RFXAP: variants seen among roughly 807,000 people sequenced by gnomAD.
RFXAP encodes the protein regulatory factor X associated protein, also known as regulatory factor X-associated protein.
RFXAP carries 21 observed loss-of-function variants against 25.7 expected under a neutral mutation model. That is an observed-to-expected ratio of 0.82 (90% CI 0.58 to 1.18). The LOEUF (loss-of-function observed/expected upper bound fraction) is 1.18, where lower values mean the gene tolerates loss of function less well. RFXAP is among the 50% of genes most tolerant of loss of function. RFXAP has a pLI of 0.00. For missense variants in RFXAP, 333 were observed against 363.0 expected (o/e 0.92, Z 0.67); for synonymous variants, 161 against 152.2 (o/e 1.06, Z -0.43).
At chr13:36,827,584 G>C in intron 2 of RFXAP, 59 bp from the exon 3 acceptor site, 1 of 1,221,496 alleles carries the variant, frequency 8.2e-7, no homozygotes, top group African/African-American at 1.5e-5. Flanking sequence ...TAATTAGCAT[G>C]AAAACAGTCT....
intron 1 of RFXAP, among the ~76,000 whole-genome samples, chr13:36,821,964 A>G (rs2057964158): frequency 1.3e-5 from 2 of 152,238 alleles, no homozygotes; most frequent in Non-Finnish European, 2.9e-5. Flanking sequence ...ACGGGGATTT[A>G]GGGAAATAAG....
chr13:36,821,214 TAA>T (rs10573140), intron 1 of RFXAP, among the ~76,000 whole-genome samples: 9,107 of 104,486 alleles, frequency 0.087, 710 homozygotes, highest in African/African-American at 0.21. Context: ...CCTGTCTCCT[TAA>T]AAAAAAAAAA....
At chr13:36,822,619 C>A (rs569131530) in intron 1 of RFXAP, among the ~76,000 whole-genome samples, 1 of 152,062 alleles carries the variant, frequency 6.6e-6, no homozygotes, top group Admixed American at 6.6e-5. Context: ...GCCTCGAATT[C>A]CTGGGCTCAA....
At position 36,819,440 on chromosome 13, in the gene RFXAP, C is replaced by A; in HGVS notation, c.83C>A (p.Ala28Glu). 1 of 1,461,772 alleles carries A rather than the reference C, an allele frequency of 6.8e-7. No individual in the cohort carries two copies. The highest frequency in any genetic ancestry group is 9.0e-7 in the Non-Finnish European group (1 of 1,107,138). The allele number at this position is 1,461,772 out of a possible 1,614,324, so 90.6% of individuals were successfully genotyped here. A position where few individuals can be genotyped will look rare whatever the true frequency, so the allele number is the denominator to read the frequency against. The change falls in exon 1 of 3, where the codon GCG becomes GAG. Residue 28 changes from alanine (A) to glutamate (E), a missense_variant. Transcript: ENST00000255476. Reference sequence around the variant, plus strand: ...CACCCCGCGGCCCTAGCCCCGGCTGCGGCTCCCACCTTGGCGCCAGCCTCG... The same window carrying A: ...CACCCCGCGGCCCTAGCCCCGGCTGAGGCTCCCACCTTGGCGCCAGCCTCG... Reference protein sequence around the residue: ...VPHPAALAPAAAPTLAPASVA... With the variant: ...VPHPAALAPAEAPTLAPASVA...
At chr13:36,825,711 GA>G (rs923494544) in intron 2 of RFXAP, among the ~76,000 whole-genome samples, 176 bp downstream of exon 2, 12 of 152,076 alleles carry the variant, frequency 7.9e-5, no homozygotes, top group African/African-American at 2.4e-4. Flanking sequence ...AATGTAATGA[GA>G]TTTTTTTTAG....
chr13:36,820,875 G>A (rs533580300), intron 1 of RFXAP, among the ~76,000 whole-genome samples: 7 of 152,252 alleles, frequency 4.6e-5, no homozygotes, highest in African/African-American at 1.4e-4. Context: ...GTGAATATGT[G>A]AGCCATTCCA....
At chr13:36,827,196 G>C (rs2057980930) in intron 2 of RFXAP, among the ~76,000 whole-genome samples, 1 of 151,782 alleles carries the variant, frequency 6.6e-6, no homozygotes, top group African/African-American at 2.4e-5. Context: ...AGACTTAGTT[G>C]CCTAATGAGA....
At chr13:36,820,819 C>T (rs73531874) in intron 1 of RFXAP, among the ~76,000 whole-genome samples, 14,603 of 152,130 alleles carry the variant, frequency 0.096, 920 homozygotes, top group East Asian at 0.3. Context: ...GGTTATTAAA[C>T]TCTGTAAAAT....
Position 36,819,455 on chromosome 13 carries a change from C to T in RFXAP, c.98C>T (p.Ala33Val). 1.3e-6 allele frequency: 2 copies of T among 1,506,086 alleles called. No homozygotes were observed. Among genetic ancestry groups the T allele is most frequent in the Non-Finnish European group, 8.9e-7 (1 of 1,126,990 alleles). The allele number at this position is 1,506,086 out of a possible 1,614,324, so 93.3% of individuals were successfully genotyped here. A position where few individuals can be genotyped will look rare whatever the true frequency, so the allele number is the denominator to read the frequency against. Reference protein sequence around the residue: ...ALAPAAAPTLAPASVAAAASQ... With the variant: ...ALAPAAAPTLVPASVAAAASQ... ...GCCCCGGCTGCGGCTCCCACCTTGG[C>T]GCCAGCCTCGGTGGCGGCCGCGGCC... Residue 33 changes from alanine to valine, a missense_variant, in exon 1 of 3, where the codon GCG becomes GTG. Coordinates refer to ENST00000255476, the MANE Select transcript of RFXAP (RefSeq NM_000538.4).
intron 2 of RFXAP, among the ~76,000 whole-genome samples, chr13:36,826,179 A>C (rs2057977352): frequency 6.6e-6 from 1 of 152,198 alleles, no homozygotes. Context: ...ATCATTAAAC[A>C]TGATCAGTTT....
chr13:36,829,098 C>T lies in RFXAP; in HGVS notation c.*1345C>T, dbSNP rs954234702. Reference sequence around the variant, plus strand: ...TAATTCATTAAAGTCCAGTTGTTGACCTTTGAGTTAGCTGATTTCTTTATT... The same window carrying T: ...TAATTCATTAAAGTCCAGTTGTTGATCTTTGAGTTAGCTGATTTCTTTATT... On this transcript the variant is annotated 3_prime_UTR_variant, in exon 3 of 3. Transcript: ENST00000255476. The T allele has an allele frequency of 1.3e-5, 2 of 152,522 alleles. No individual in the cohort carries two copies. The highest frequency in any genetic ancestry group is 2.9e-5 in the Non-Finnish European group (2 of 68,044). The allele number at this position is 152,522 out of a possible 1,614,324, so 9.4% of individuals were successfully genotyped here.
rs749368415 is a variant in RFXAP, at chr13:36,819,644, C to T, written c.287C>T (p.Ser96Leu). 5 of 1,547,568 alleles carry T rather than the reference C, an allele frequency of 3.2e-6. No homozygotes were observed. Among genetic ancestry groups the T allele is most frequent in the Non-Finnish European group, 4.4e-6 (5 of 1,144,418 alleles). The change falls in exon 1 of 3, where the codon TCG becomes TTG. Residue 96 changes from serine to leucine, a missense_variant. Coordinates refer to ENST00000255476, the MANE Select transcript of RFXAP (RefSeq NM_000538.4). The stretch of plus-strand genomic sequence containing the variant: ...GACGAGGCGGACCTGTTAGACACTT[C>T]GGACCCTCCGGGGGGAGGCGAGAGC... ...GEDEADLLDT[S>L]DPPGGGESAA...
At chr13:36,825,830 T>C (rs1427555169) in intron 2 of RFXAP, among the ~76,000 whole-genome samples, 1 of 152,146 alleles carries the variant, frequency 6.6e-6, no homozygotes, top group African/African-American at 2.4e-5. Context: ...AGCAAAAATA[T>C]GTACAACAAA....
chr13:36,819,550 G>A lies in RFXAP; in HGVS notation c.193G>A (p.Val65Ile). ...CGAGGCTGCGGCCCCCGGGGGCAGC[G>A]TTGGGGCGGGCAAGCCCGTTAGGTA... ...QDEAAAPGGSVGAGKPVRYLC... is the reference protein window; with the variant it reads ...QDEAAAPGGSIGAGKPVRYLC... The change falls in exon 1 of 3, where the codon GTT becomes ATT. Residue 65 changes from valine to isoleucine, a missense_variant. Val to Ile is a conservative substitution (Grantham distance 29, BLOSUM62 3). Coordinates refer to ENST00000255476, the MANE Select transcript of RFXAP (RefSeq NM_000538.4). 1 of 1,523,864 alleles carries A rather than the reference G, an allele frequency of 6.6e-7. No individual in the cohort carries two copies. The highest frequency in any genetic ancestry group is 8.8e-7 in the Non-Finnish European group (1 of 1,133,588). 94.4% of individuals were successfully genotyped at this position (1,523,864 alleles called of 1,614,324 possible).
In RFXAP at chr13:36,819,499, G is replaced by A. The variant is rs1209540070; in HGVS notation, c.142G>A (p.Val48Met). 1 of 1,554,000 alleles carries A rather than the reference G, an allele frequency of 6.4e-7. No individual in the cohort carries two copies. Residue 48 changes from valine (V) to methionine (M), a missense_variant, in exon 1 of 3, where the codon GTG (valine) becomes ATG (methionine). Val to Met is a conservative substitution (Grantham distance 21). Coordinates refer to ENST00000255476, the MANE Select transcript of RFXAP (RefSeq NM_000538.4). ...CGCGGCCTCTCAATTCACCCTGCTA[G>A]TGATGCAACCCTGTGCTGGGCAGGA... ...AAAASQFTLL[V>M]MQPCAGQDEA...
At position 36,825,530 on chromosome 13, in the gene RFXAP, A is replaced by G. The variant is rs2057975435; in HGVS notation, c.703A>G (p.Arg235Gly). Residue 235 changes from arginine (R) to glycine (G), a missense_variant, in exon 2 of 3, where the codon AGA becomes GGA. Transcript: ENST00000255476. ...TLLEQVLNQK[R>G]LSLLRSPEVV... ...TTTAGAACAAGTGTTAAATCAAAAAAGACTGGTAAATATCTGTTTGTAAAT... is the reference window on the plus strand; with the variant it reads ...TTTAGAACAAGTGTTAAATCAAAAAGGACTGGTAAATATCTGTTTGTAAAT... The G allele has an allele frequency of 6.3e-7, 1 of 1,597,874 alleles. No individual in the cohort carries two copies. Among genetic ancestry groups the G allele is most frequent in the African/African-American group, 1.3e-5 (1 of 74,560 alleles).
chr13:36,822,265 A>G (rs561884912), intron 1 of RFXAP, among the ~76,000 whole-genome samples: 58 of 151,414 alleles, frequency 3.8e-4, no homozygotes, highest in Admixed American at 1.1e-3. Flanking sequence ...TAATTTTTGT[A>G]TTTTTAGTAG....
At chr13:36,821,020 C>A (rs1221660586) in intron 1 of RFXAP, among the ~76,000 whole-genome samples, 3 of 151,934 alleles carry the variant, frequency 2.0e-5, no homozygotes, top group African/African-American at 7.3e-5. Context: ...GCTATATAAT[C>A]CCTTAGTGTA....
chr13:36,819,778 T>C lies in RFXAP; in HGVS notation c.421T>C (p.Cys141Arg). ...CGGTGGGGGCAGCATGAGCAAGACC[T>C]GCACCTACGAAGGCTGCAGCGAGAC... ...GSGGGSMSKT[C>R]TYEGCSETTS... The change falls in exon 1 of 3, where the codon TGC becomes CGC. Residue 141 changes from cysteine (C) to arginine (R), a missense_variant. Coordinates refer to ENST00000255476, the MANE Select transcript of RFXAP (RefSeq NM_000538.4). 1 of 1,570,306 alleles carries C rather than the reference T, an allele frequency of 6.4e-7. No homozygotes were observed. The highest frequency in any genetic ancestry group is 2.4e-5 in the East Asian group (1 of 42,452).
Sources: allele counts gnomAD v4.1 joint callset (sites outside exome capture counted in the v4.1 genomes callset), GRCh38; gene constraint gnomAD v4.1.1; transcripts MANE v1.5; gene names NCBI Gene and HGNC (gene_info 2026-07-23, HGNC 2026-07-21).